Variants in STK10 observed in about 807,000 individuals in gnomAD.
The protein encoded by STK10 is serine/threonine kinase 10.
STK10 carries 78 observed loss-of-function variants against 113.8 expected under a neutral mutation model. That is an observed-to-expected ratio of 0.69 (90% CI 0.57 to 0.83). The LOEUF is 0.83. Ranked by LOEUF, STK10 falls within the 40% of genes least tolerant of loss-of-function variation. The probability of loss-of-function intolerance (pLI) is 0.00; values close to 1 mark genes in which losing one functional copy is unlikely to be tolerated. For missense variants in STK10, 1,109 were observed against 1,280.1 expected (o/e 0.87, Z 2.04); for synonymous variants, 465 against 494.7 (o/e 0.94, Z 0.80).
At chr5:172,090,941 A>AG (rs1768689304) in intron 9 of STK10, among the ~76,000 whole-genome samples, 1 of 147,450 alleles carries the variant, frequency 6.8e-6, no homozygotes, top group East Asian at 2.0e-4. Context: ...TCTCTAAAAA[A>AG]AAAAAAAAAA....
chr5:172,162,319 C>T (rs1770488669), intron 1 of STK10, among the ~76,000 whole-genome samples: 1 of 152,004 alleles, frequency 6.6e-6, no homozygotes, highest in Non-Finnish European at 1.5e-5. Context: ...GCCTGGACAA[C>T]AGAGTGAGAC....
In STK10 at chr5:172,093,575, T is replaced by C. The variant is rs1768770943; in HGVS notation, c.1391A>G (p.Lys464Arg). 6.2e-6 allele frequency: 10 copies of C among 1,614,122 alleles called. No individual in the cohort carries two copies. The highest frequency in any genetic ancestry group is 2.7e-5 in the African/African-American group (2 of 74,948). Residue 464 changes from lysine (K) to arginine (R), a missense_variant, in exon 9 of 19, where the codon AAG becomes AGG. Physicochemically the swap from Lys to Arg is conservative, Grantham distance 26. This residue lies in a region of STK10 where 885 missense variants were observed against 991.1 expected (regional missense o/e 0.89). Coordinates refer to ENST00000176763, the MANE Select transcript of STK10 (RefSeq NM_005990.4). This position sits in a 1 kb window ranked among gnomAD's most constrained non-coding sequence, Gnocchi z 4.1. Reference sequence around the variant, plus strand: ...TGGCTCCAGGCTGCCATTGGCCAGCTTCTCCCCACCCAAGGTCTCCAGGGC... The same window carrying C: ...TGGCTCCAGGCTGCCATTGGCCAGCCTCTCCCCACCCAAGGTCTCCAGGGC... ...SSALETLGGE[K>R]LANGSLEPPA...
rs200090130 is a variant in STK10 at position 172,098,451 on chromosome 5, G to GT, written c.871-1892dup. ...AAGGCCCTGAGACTGGACTGAGCTTGTTGGGCGGCAGGAGCCATGAGACGG... is the reference window on the plus strand; with the variant it reads ...AAGGCCCTGAGACTGGACTGAGCTTGTTTGGGCGGCAGGAGCCATGAGACGG... On this transcript the variant is annotated intron_variant, in intron 7 of 18. Transcript: ENST00000176763. 8.7e-3 allele frequency among the ~76,000 whole-genome samples: 1,318 copies of GT among 152,282 alleles called. 21 individuals carry two copies. Among genetic ancestry groups the GT allele is most frequent in the African/African-American group, 0.029 (1,211 of 41,544 alleles).
intron 12 of STK10, among the ~76,000 whole-genome samples, chr5:172,071,341 CAAAAAAAAAAA>C (rs58271522): frequency 3.7e-5 from 2 of 53,878 alleles, no homozygotes; most frequent in African/African-American, 1.5e-4. Context: ...GGATAGGTAG[CAAAAAAAAAAA>C]AAAAAAAAAA....
At chr5:172,113,227 G>A (rs1769281151) in intron 4 of STK10, among the ~76,000 whole-genome samples, 1 of 152,124 alleles carries the variant, frequency 6.6e-6, no homozygotes, top group Non-Finnish European at 1.5e-5. Context: ...ACTGGGGGGG[G>A]TGTCAACTGG....
chr5:172,119,212 G>A (rs753680524), intron 3 of STK10, among the ~76,000 whole-genome samples: 1 of 152,136 alleles, frequency 6.6e-6, no homozygotes, highest in Non-Finnish European at 1.5e-5. Flanking sequence ...AAGGTGGGCA[G>A]CAGGAAGAAT....
intron 1 of STK10, among the ~76,000 whole-genome samples, chr5:172,175,273 G>A (rs1770738555): frequency 6.6e-6 from 1 of 152,052 alleles, no homozygotes; most frequent in Non-Finnish European, 1.5e-5. Context: ...CCCTGCTATA[G>A]TCTGTTAGTA....
intron 10 of STK10, among the ~76,000 whole-genome samples, chr5:172,087,107 AGTGT>A (rs201052929): frequency 0.12 from 16,062 of 128,718 alleles, 1,133 homozygotes; most frequent in Middle Eastern, 0.21. Context: ...AGATGACACC[AGTGT>A]GTGTGTGTGT....
At chr5:172,183,062 C>T (rs1045081301) in intron 1 of STK10, among the ~76,000 whole-genome samples, 1 of 151,956 alleles carries the variant, frequency 6.6e-6, no homozygotes, top group East Asian at 1.9e-4. Flanking sequence ...TAAAAATTAG[C>T]CAGGTGTGGT....
At chr5:172,083,647 C>T (rs1026175991) in intron 10 of STK10, among the ~76,000 whole-genome samples, 10 of 152,138 alleles carry the variant, frequency 6.6e-5, no homozygotes, top group Admixed American at 2.6e-4. Context: ...GTGGCTCACA[C>T]CTGTAATTCC....
At position 172,057,456 on chromosome 5, in the gene STK10, A is replaced by G; in HGVS notation, c.2230T>C (p.Trp744Arg). ...ELLRDREAAL[W>R]EMEEHQLQER... ...TGCAGCTGGTGCTCTTCCATCTCCC[A>G]CAGGGCTGCTTCCCGGTCTGCAGAG... Residue 744 changes from tryptophan to arginine, a missense_variant, in exon 15 of 19, where the codon TGG becomes CGG. Transcript: ENST00000176763. 4 of 1,550,176 alleles carry G rather than the reference A, an allele frequency of 2.6e-6. No individual in the cohort carries two copies. Among genetic ancestry groups the G allele is most frequent in the Non-Finnish European group, 3.5e-6 (4 of 1,147,128 alleles).
chr5:172,139,505 AAAAAG>A (rs1481317823), intron 2 of STK10, among the ~76,000 whole-genome samples: 6 of 151,852 alleles, frequency 4.0e-5, no homozygotes, highest in Admixed American at 3.9e-4. Context: ...AAAAAAAAAA[AAAAAG>A]AAAAGAGAGA....
intron 2 of STK10, among the ~76,000 whole-genome samples, chr5:172,151,090 T>C (rs1277894943): frequency 6.6e-6 from 1 of 152,246 alleles, no homozygotes; most frequent in African/African-American, 2.4e-5. Context: ...AGAGGCACGA[T>C]GAAGGTGACA....
intron 2 of STK10, among the ~76,000 whole-genome samples, chr5:172,147,107 T>C (rs553668711): frequency 8.7e-4 from 132 of 152,308 alleles, no homozygotes; most frequent in African/African-American, 3.1e-3. Context: ...CATTTACTTA[T>C]GTTTACTGAT....
rs1767405295 is a variant in STK10, at chr5:172,042,738, C to T, written c.*2144G>A. On this transcript the variant is annotated 3_prime_UTR_variant, in exon 19 of 19. Transcript: ENST00000176763. ...TTTCGCTTGTCTCATTTGTGAGAGA[C>T]CTAAAAAACACCCCCATCTGGGTCA... The T allele has an allele frequency of 6.6e-6, 1 of 152,188 alleles. No individual in the cohort carries two copies. The highest frequency in any genetic ancestry group is 6.5e-5 in the Admixed American group (1 of 15,276). The allele number at this position is 152,188 out of a possible 1,614,324, so 9.4% of individuals were successfully genotyped here. A position where few individuals can be genotyped will look rare whatever the true frequency, so the allele number is the denominator to read the frequency against.
At chr5:172,151,417 G>A (rs1223306139) in intron 2 of STK10, among the ~76,000 whole-genome samples, 6 of 151,702 alleles carry the variant, frequency 4.0e-5, no homozygotes, top group African/African-American at 1.5e-4. Context: ...ACAATCTTTG[G>A]CTCATTGCAA....
chr5:172,182,240 T>G (rs1271435441), intron 1 of STK10, among the ~76,000 whole-genome samples: 3 of 142,896 alleles, frequency 2.1e-5, no homozygotes, highest in East Asian at 2.1e-4. Flanking sequence ...AAAGCGGAGG[T>G]TGCGGTGAGC....
chr5:172,149,146 G>T (rs1770150965), intron 2 of STK10, among the ~76,000 whole-genome samples: 1 of 152,140 alleles, frequency 6.6e-6, no homozygotes, highest in Non-Finnish European at 1.5e-5. Context: ...CAGCCTGGGT[G>T]ACAGAGCAAT....
At chr5:172,177,442 G>A (rs1770778779) in intron 1 of STK10, among the ~76,000 whole-genome samples, 1 of 152,198 alleles carries the variant, frequency 6.6e-6, no homozygotes, top group Admixed American at 6.5e-5. Flanking sequence ...CCTGGCCCTG[G>A]CCCATGCCCA....
Sources: gnomAD v4.1 joint callset for allele counts (sites outside exome capture counted in the v4.1 genomes callset) on GRCh38, gnomAD v4.1.1 for gene constraint, gnomAD v4.1.1 regional missense constraint, Gnocchi (gnomAD v3.1) non-coding constraint, MANE v1.5 for transcripts, NCBI Gene and HGNC (gene_info 2026-07-23, HGNC 2026-07-21) for gene names.